The following KDM4A variants were observed in gnomAD, a reference collection of about 807,000 sequenced individuals.
KDM4A encodes lysine demethylase 4A.
In KDM4A, 23 loss-of-function variants were observed where a neutral mutation model predicts 127.1. That is an observed-to-expected ratio of 0.18 (90% CI 0.13 to 0.26). KDM4A has a LOEUF of 0.26. Among genes scored for constraint, KDM4A ranks in the 10% least tolerant of loss-of-function variants. The pLI, the probability that KDM4A is intolerant of heterozygous loss-of-function variation, is 1.00. For synonymous variants in KDM4A, 443 were observed against 466.5 expected (o/e 0.95, Z 0.65); for missense variants, 890 against 1,329.1 (o/e 0.67, Z 5.14).
chr1:43,663,332 G>A (rs993772071), intron 5 of KDM4A, among the ~76,000 whole-genome samples: 1 of 152,108 alleles, frequency 6.6e-6, no homozygotes, highest in African/African-American at 2.4e-5. Flanking sequence ...CCAAAGACAC[G>A]GGGGCTCTTC....
chr1:43,665,719 G>C lies in KDM4A; in HGVS notation c.647G>C (p.Gly216Ala), dbSNP rs1660486501. The change falls in exon 6 of 22, where the codon GGA (glycine) becomes GCA (alanine). Residue 216 changes from glycine (G) to alanine (A), a missense_variant. Gly to Ala is a moderately conservative substitution (Grantham distance 60). Transcript: ENST00000372396. Reference protein sequence around the residue: ...KSWYSVPPEHGKRLERLAKGF... With the variant: ...KSWYSVPPEHAKRLERLAKGF... ...AGGTACTCTGTTCCACCTGAGCATG[G>C]AAAGCGGTTGGAACGCCTCGCCAAA... The C allele has an allele frequency of 1.2e-6, 2 of 1,614,122 alleles. No homozygotes were observed. The highest frequency in any genetic ancestry group is 1.7e-6 in the Non-Finnish European group (2 of 1,180,008).
chr1:43,698,214 A>G (rs1316172157), intron 19 of KDM4A, among the ~76,000 whole-genome samples: 2 of 152,186 alleles, frequency 1.3e-5, no homozygotes, highest in Non-Finnish European at 1.5e-5. Context: ...TATTTTCCCT[A>G]GAAGTACCTG....
At chr1:43,654,149 G>A (rs1175967727) in intron 2 of KDM4A, among the ~76,000 whole-genome samples, 1 of 152,184 alleles carries the variant, frequency 6.6e-6, no homozygotes, top group African/African-American at 2.4e-5. Flanking sequence ...AACAGCAGGC[G>A]GGAATAGCAG....
intron 1 of KDM4A, among the ~76,000 whole-genome samples, chr1:43,651,253 A>G (rs1660108022): frequency 6.6e-6 from 1 of 152,232 alleles, no homozygotes; most frequent in Non-Finnish European, 1.5e-5. Flanking sequence ...GTTTCTCCAC[A>G]CTTGGAGCTG....
chr1:43,671,870 G>C lies in KDM4A; in HGVS notation c.1729G>C (p.Ala577Pro), dbSNP rs753347514. 1.0e-5 allele frequency: 16 copies of C among 1,561,918 alleles called. No homozygotes were observed. The highest frequency in any genetic ancestry group is 1.4e-5 in the Non-Finnish European group (16 of 1,152,394). ...TAGAAGTTTCAGTGAGCGGGAGCTG[G>C]CAGAGGTATGGGCTCCAGGCAGTGG... ...AARSFSEREL[A>P]EVADEYMFSL... is the part of the protein sequence containing the mutation. The change falls in exon 11 of 22, where the codon GCA becomes CCA. Residue 577 changes from alanine to proline, a missense_variant. By Grantham distance (27) the Ala-to-Pro change is conservative. Coordinates refer to ENST00000372396, the MANE Select transcript of KDM4A (RefSeq NM_014663.3).
In KDM4A at chr1:43,667,954, G is replaced by C; in HGVS notation, c.1098G>C (p.Glu366Asp). ...ESELPPRAGN[E>D]EECPEEDMEG... is the part of the protein sequence containing the mutation. ...AACTGCCTCCAAGAGCTGGCAACGA[G>C]GAGGAGTGCCCAGAGGAGGACATGG... The change falls in exon 9 of 22, where the codon GAG (glutamate) becomes GAC (aspartate). Residue 366 changes from glutamate (E) to aspartate (D), a missense_variant. By Grantham distance (45) the Glu-to-Asp change is conservative. This residue lies in a region of KDM4A where 389 missense variants were observed against 485.9 expected (regional missense o/e 0.80). Transcript: ENST00000372396. The C allele has an allele frequency of 6.2e-7, 1 of 1,614,178 alleles. No individual in the cohort carries two copies. Among genetic ancestry groups the C allele is most frequent in the Non-Finnish European group, 8.5e-7 (1 of 1,180,040 alleles).
intron 10 of KDM4A, among the ~76,000 whole-genome samples, chr1:43,671,184 A>G (rs557476127): frequency 3.3e-5 from 5 of 152,328 alleles, no homozygotes; most frequent in South Asian, 2.1e-4. Flanking sequence ...CTGAGCTCAG[A>G]CTTGCATTAC....
chr1:43,668,131 T>C, intron 9 of KDM4A, 112 bp downstream of exon 9: 3 of 1,415,240 alleles, frequency 2.1e-6, no homozygotes, highest in Non-Finnish European at 2.9e-6. Flanking sequence ...TGTTTTTGTT[T>C]TTGTTTTTGT....
At position 43,666,957 on chromosome 1, in the gene KDM4A, A is replaced by C; in HGVS notation, c.781A>C (p.Thr261Pro). ...CTTCAAGTCTGCTCTTGTTCAGGTG[A>C]CTCAAGAGGCTGGAGAGTTTATGAT... The part of the protein sequence containing the change: ...KKYGIPFDKV[T>P]QEAGEFMITF... The change falls in exon 8 of 22, where the codon ACT becomes CCT. Residue 261 changes from threonine (T) to proline (P), a missense_variant. Physicochemically the swap from Thr to Pro is conservative, Grantham distance 38. Coordinates refer to ENST00000372396, the MANE Select transcript of KDM4A (RefSeq NM_014663.3). 2 of 1,613,766 alleles carry C rather than the reference A, an allele frequency of 1.2e-6. No individual in the cohort carries two copies. Among genetic ancestry groups the C allele is most frequent in the Non-Finnish European group, 1.7e-6 (2 of 1,179,812 alleles).
At chr1:43,682,828 G>C (rs61768373) in intron 11 of KDM4A, among the ~76,000 whole-genome samples, 14,280 of 152,184 alleles carry the variant, frequency 0.094, 907 homozygotes, top group Non-Finnish European at 0.14. Flanking sequence ...AGCATTTATG[G>C]CATTGGTTTT....
At chr1:43,660,136 G>A (rs1009006192) in intron 3 of KDM4A, among the ~76,000 whole-genome samples, 162 bp from the exon 4 acceptor site, 9 of 152,218 alleles carry the variant, frequency 5.9e-5, no homozygotes, top group African/African-American at 1.2e-4. Flanking sequence ...TGGAAGGGAC[G>A]TTGAGGGACT....
chr1:43,663,919 C>T (rs1195771108), intron 5 of KDM4A, among the ~76,000 whole-genome samples: 4 of 152,134 alleles, frequency 2.6e-5, no homozygotes, highest in Non-Finnish European at 1.5e-5. Flanking sequence ...CAGGCATGAG[C>T]CACTGTACCC....
At chr1:43,700,462 G>A (rs1391282345) in intron 19 of KDM4A, among the ~76,000 whole-genome samples, 1 of 151,910 alleles carries the variant, frequency 6.6e-6, no homozygotes, top group African/African-American at 2.4e-5. Context: ...AGGTAATTGT[G>A]TTTATTATTC....
At chr1:43,664,185 G>C (rs669875) in intron 5 of KDM4A, among the ~76,000 whole-genome samples, 10,121 of 152,240 alleles carry the variant, frequency 0.066, 1,123 homozygotes, top group African/African-American at 0.23. Context: ...ACATAACCGG[G>C]TGGAGTGGTG....
chr1:43,697,091 G>C (rs941724010), intron 18 of KDM4A, among the ~76,000 whole-genome samples: 1 of 152,262 alleles, frequency 6.6e-6, no homozygotes, highest in East Asian at 1.9e-4. Context: ...ATGGGAGTCA[G>C]TGTGCAAGTA....
At chr1:43,676,997 A>G (rs959165263) in intron 11 of KDM4A, among the ~76,000 whole-genome samples, 5 of 152,188 alleles carry the variant, frequency 3.3e-5, no homozygotes, top group Non-Finnish European at 5.9e-5. Context: ...ATTTGAAAGC[A>G]CATCCCAGAT....
chr1:43,693,274 A>T lies in KDM4A; in HGVS notation c.2376-720A>T, dbSNP rs1010078093. On this transcript the variant is annotated intron_variant, in intron 16 of 21. Coordinates refer to ENST00000372396, the MANE Select transcript of KDM4A (RefSeq NM_014663.3). This position sits in a 1 kb window ranked among gnomAD's most constrained non-coding sequence, Gnocchi z 4.2. ...AGAACAAATCTGTTCCCACTCTAAA[A>T]AGACAGCCCCACTAGAACTGCAGAG... 6.6e-6 allele frequency among the ~76,000 whole-genome samples: 1 copy of T among 152,200 alleles called. No homozygotes were observed. The highest frequency in any genetic ancestry group is 1.5e-5 in the Non-Finnish European group (1 of 68,026).
chr1:43,669,413 G>A, intron 10 of KDM4A, 114 bp downstream of exon 10: 1 of 1,032,760 alleles, frequency 9.7e-7, no homozygotes, highest in Non-Finnish European at 1.5e-6. Context: ...AGGTCCGTGA[G>A]CAGATAGCAT....
At position 43,671,751 on chromosome 1, in the gene KDM4A, G is replaced by A. The variant is rs2154047395; in HGVS notation, c.1610G>A (p.Gly537Glu). 1 of 1,613,924 alleles carries A rather than the reference G, an allele frequency of 6.2e-7. No homozygotes were observed. The highest frequency in any genetic ancestry group is 2.2e-5 in the East Asian group (1 of 44,876). ...GAGCCTCTCTCCTGCCGAGCCCAAG[G>A]GCAAACGGGAGTTCTCACTGTGCAC... is the stretch of plus-strand genomic sequence containing the variant. ...TSEPLSCRAQ[G>E]QTGVLTVHSY... Residue 537 changes from glycine (G) to glutamate (E), a missense_variant, in exon 11 of 22, where the codon GGG becomes GAG. Coordinates refer to ENST00000372396, the MANE Select transcript of KDM4A (RefSeq NM_014663.3).
Sources: allele counts gnomAD v4.1 joint callset (sites outside exome capture counted in the v4.1 genomes callset), GRCh38; gene constraint gnomAD v4.1.1; regional missense constraint gnomAD v4.1.1; non-coding constraint Gnocchi (gnomAD v3.1); transcripts MANE v1.5; gene names NCBI Gene and HGNC (gene_info 2026-07-23, HGNC 2026-07-21).